UBA6: variants seen among roughly 807,000 people sequenced by gnomAD.
UBA6 encodes the protein ubiquitin-like modifier-activating enzyme 6.
A neutral mutation model predicts 148.3 loss-of-function variants in UBA6; 87 were observed. The ratio of observed to expected loss-of-function variants is 0.59; its 90% CI spans 0.49 to 0.70. UBA6 has a LOEUF of 0.70. Ranked by LOEUF, UBA6 falls within the 30% of genes least tolerant of loss-of-function variation. The pLI is 0.00. For synonymous variants in UBA6, 376 were observed against 401.0 expected (o/e 0.94, Z 0.75); for missense variants, 1,186 against 1,241.2 (o/e 0.96, Z 0.67).
chr4:67,694,646 C>T (rs1334880315), intron 2 of UBA6, among the ~76,000 whole-genome samples: 1 of 152,180 alleles, frequency 6.6e-6, no homozygotes, highest in African/African-American at 2.4e-5. Context: ...ATCCACCCGC[C>T]TCGGCCTCCC....
At chr4:67,666,836 C>CCCA (rs1367889635) in intron 9 of UBA6, among the ~76,000 whole-genome samples, 1 of 152,030 alleles carries the variant, frequency 6.6e-6, no homozygotes, top group Admixed American at 6.6e-5. Flanking sequence ...GATCATGTCG[C>CCCA]TGCACTTCAG....
At chr4:67,630,403 G>T in intron 26 of UBA6, 63 bp downstream of exon 26, 1 of 983,204 alleles carries the variant, frequency 1.0e-6, no homozygotes, top group Non-Finnish European at 1.5e-6. Context: ...TGCAATTAGT[G>T]CATCAGTCAT....
intron 6 of UBA6, among the ~76,000 whole-genome samples, chr4:67,677,029 C>T (rs1265620917): frequency 3.3e-5 from 5 of 152,056 alleles, no homozygotes; most frequent in African/African-American, 1.2e-4. Flanking sequence ...ATTTTTACTC[C>T]CCTGTAATTG....
chr4:67,640,758 G>A (rs1439118227), intron 18 of UBA6, among the ~76,000 whole-genome samples: 2 of 152,152 alleles, frequency 1.3e-5, no homozygotes, highest in African/African-American at 4.8e-5. Flanking sequence ...ACGATCAAAA[G>A]AGCACAAAAA....
chr4:67,634,494 G>A lies in UBA6; in HGVS notation c.1867C>T (p.Pro623Ser). ...SHRDPPEEEIPFCTLKSFPAA... is the reference protein window; with the variant it reads ...SHRDPPEEEISFCTLKSFPAA... ...GGAAAGGATTTTAGAGTACAAAATG[G>A]TATTTCCTCTTCTGGGGGATCCCGC... Residue 623 changes from proline (P) to serine (S), a missense_variant, in exon 21 of 33, where the codon CCA becomes TCA. Physicochemically the swap from Pro to Ser is moderately conservative, Grantham distance 74. Coordinates refer to ENST00000322244, the MANE Select transcript of UBA6 (RefSeq NM_018227.6). 6.3e-7 allele frequency: 1 copy of A among 1,583,076 alleles called. No individual in the cohort carries two copies. The highest frequency in any genetic ancestry group is 1.2e-5 in the South Asian group (1 of 83,854).
intron 28 of UBA6, 23 bp downstream of exon 28, chr4:67,626,337 T>C (rs371470260): frequency 2.2e-5 from 33 of 1,509,722 alleles, no homozygotes; most frequent in Non-Finnish European, 2.8e-5. Flanking sequence ...GTTCAAAACA[T>C]TTTTATAAAG....
chr4:67,673,923 C>A, intron 6 of UBA6, 146 bp from the exon 7 acceptor site: 1 of 469,500 alleles, frequency 2.1e-6, no homozygotes, highest in Non-Finnish European at 3.8e-6. Flanking sequence ...AATTCCATTC[C>A]AAGGTTAATA....
chr4:67,641,092 A>C (rs1729295007), intron 18 of UBA6, 59 bp downstream of exon 18: 1 of 1,074,194 alleles, frequency 9.3e-7, no homozygotes, highest in Non-Finnish European at 1.4e-6. Flanking sequence ...CTATTTATTA[A>C]AAGGAAACTC....
intron 6 of UBA6, among the ~76,000 whole-genome samples, chr4:67,676,680 A>G (rs537644849): frequency 2.0e-5 from 3 of 152,300 alleles, no homozygotes; most frequent in African/African-American, 7.2e-5. Flanking sequence ...TCCTGTCGCT[A>G]AGAGTACCTA....
chr4:67,663,812 A>T, intron 11 of UBA6, 73 bp downstream of exon 11: 1 of 1,303,510 alleles, frequency 7.7e-7, no homozygotes, highest in Non-Finnish European at 1.1e-6. Context: ...ATTCCATTTT[A>T]ACTTCATAAT....
intron 16 of UBA6, among the ~76,000 whole-genome samples, chr4:67,645,227 A>T (rs546633186): frequency 6.6e-6 from 1 of 152,320 alleles, no homozygotes; most frequent in African/African-American, 2.4e-5. Flanking sequence ...TAATTTTAAT[A>T]ATTAAAACAA....
chr4:67,620,072 T>C (rs1304664123), intron 32 of UBA6, among the ~76,000 whole-genome samples: 2 of 152,214 alleles, frequency 1.3e-5, no homozygotes, highest in African/African-American at 4.8e-5. Flanking sequence ...CAAAGATATT[T>C]TGTCCCGTAC....
At chr4:67,655,349 A>C (rs1287452288) in intron 13 of UBA6, among the ~76,000 whole-genome samples, 2 of 152,236 alleles carry the variant, frequency 1.3e-5, no homozygotes, top group Non-Finnish European at 2.9e-5. Context: ...CTCTCAGACT[A>C]CAGTGCAATC....
At chr4:67,688,137 G>C (rs916938818) in intron 2 of UBA6, among the ~76,000 whole-genome samples, 4 of 152,142 alleles carry the variant, frequency 2.6e-5, no homozygotes, top group African/African-American at 9.7e-5. Context: ...ATTCTGCTTT[G>C]ATATTAACCC....
intron 23 of UBA6, 106 bp from the exon 24 acceptor site, chr4:67,632,014 C>G (rs959787794): frequency 9.7e-7 from 1 of 1,032,036 alleles, no homozygotes. Flanking sequence ...GCACATGATT[C>G]AAAAATCAAA....
At position 67,663,965 on chromosome 4, in the gene UBA6, G is replaced by C. The variant is rs747655392; in HGVS notation, c.898-18C>G. 5.0e-6 allele frequency: 8 copies of C among 1,602,650 alleles called. No individual in the cohort carries two copies. The African/African-American group carries it at 9.4e-5, about 19-fold the overall frequency. Reference sequence around the variant, plus strand: ...AGTGATTCCTGATAGGAAGGAAAAAGTCATTACTTCAGAGTGAGTGAGTGA... The same window carrying C: ...AGTGATTCCTGATAGGAAGGAAAAACTCATTACTTCAGAGTGAGTGAGTGA... On this transcript the variant is annotated intron_variant, in intron 10 of 32. Transcript: ENST00000322244.
intron 13 of UBA6, among the ~76,000 whole-genome samples, chr4:67,656,518 T>C (rs1729699590): frequency 6.6e-6 from 1 of 152,170 alleles, no homozygotes; most frequent in African/African-American, 2.4e-5. Context: ...TAGGTATTGA[T>C]GAAACGTTAC....
chr4:67,624,588 CATAG>C (rs1282379610), intron 29 of UBA6, among the ~76,000 whole-genome samples: 4 of 151,992 alleles, frequency 2.6e-5, no homozygotes, highest in Non-Finnish European at 4.4e-5. Context: ...TACATAGCTT[CATAG>C]ATAATTACAT....
At chr4:67,665,559 CTCAT>C (rs1729976840) in intron 9 of UBA6, among the ~76,000 whole-genome samples, 1 of 150,396 alleles carries the variant, frequency 6.6e-6, no homozygotes, top group South Asian at 2.1e-4. Flanking sequence ...ATGAGGGCTA[CTCAT>C]TATTAGATAT....
Sources: allele counts gnomAD v4.1 joint callset (sites outside exome capture counted in the v4.1 genomes callset), GRCh38; gene constraint gnomAD v4.1.1; transcripts MANE v1.5; gene names NCBI Gene and HGNC (gene_info 2026-07-23, HGNC 2026-07-21).